The following ABCC4 variants were observed in gnomAD, a reference collection of about 807,000 sequenced individuals.
ABCC4 encodes the protein ATP-binding cassette sub-family C member 4.
Under a neutral mutation model 168.5 loss-of-function variants are expected in ABCC4, and 102 were observed. That is an observed-to-expected ratio of 0.61 (90% CI 0.52 to 0.71). The LOEUF (loss-of-function observed/expected upper bound fraction) is 0.71, where lower values mean the gene tolerates loss of function less well. Ranked by LOEUF, ABCC4 falls within the 30% of genes least tolerant of loss-of-function variation. The probability of loss-of-function intolerance (pLI) is 0.00; values close to 1 mark genes in which losing one functional copy is unlikely to be tolerated. For synonymous variants in ABCC4, 617 were observed against 590.7 expected, an observed-to-expected ratio of 1.04 and a Z score of -0.65; for missense variants, 1,402 against 1,605.8, an observed-to-expected ratio of 0.87 and a Z score of 2.17.
At chr13:95,059,636 T>G (rs2033211358) in intron 26 of ABCC4, among the ~76,000 whole-genome samples, 1 of 101,786 alleles carries the variant, frequency 9.8e-6, no homozygotes, top group South Asian at 4.6e-4. Context: ...GCTTTTATTG[T>G]GCACATTTTT....
chr13:95,191,488 A>C (rs2038249568), intron 9 of ABCC4, among the ~76,000 whole-genome samples: 1 of 152,226 alleles, frequency 6.6e-6, no homozygotes, highest in African/African-American at 2.4e-5. Context: ...TTTTTAAAAA[A>C]GTAATACATT....
chr13:95,078,977 C>A (rs1364377430), intron 21 of ABCC4, among the ~76,000 whole-genome samples: 2 of 152,190 alleles, frequency 1.3e-5, no homozygotes, highest in Non-Finnish European at 2.9e-5. Context: ...TAGGTACCAT[C>A]CCAGTTTTGG....
intron 19 of ABCC4, among the ~76,000 whole-genome samples, chr13:95,160,660 A>G (rs1182951619): frequency 6.6e-6 from 1 of 152,214 alleles, no homozygotes; most frequent in Non-Finnish European, 1.5e-5. Context: ...AATTAACCAC[A>G]TATTATCTTT....
At chr13:95,186,177 TA>T (rs1316305159) in intron 11 of ABCC4, among the ~76,000 whole-genome samples, 1 of 152,146 alleles carries the variant, frequency 6.6e-6, no homozygotes, top group Admixed American at 6.5e-5. Context: ...GAGTGAGATG[TA>T]ATTTTTTTTC....
At chr13:95,268,058 T>C (rs1186395468) in intron 1 of ABCC4, among the ~76,000 whole-genome samples, 1 of 152,178 alleles carries the variant, frequency 6.6e-6, no homozygotes. Flanking sequence ...TGTTACTGTG[T>C]CTGTGTAGAA....
At chr13:95,177,378 C>T (rs549418177) in intron 13 of ABCC4, among the ~76,000 whole-genome samples, 119 of 152,242 alleles carry the variant, frequency 7.8e-4, no homozygotes, top group African/African-American at 1.1e-3. Context: ...TTCCTATCTC[C>T]GGGGCCTGGT....
At chr13:95,251,253 C>G (rs1182661979) in intron 1 of ABCC4, among the ~76,000 whole-genome samples, 2 of 152,174 alleles carry the variant, frequency 1.3e-5, no homozygotes, top group Non-Finnish European at 2.9e-5. Context: ...CCCTCACTTT[C>G]TCTTTCCCTC....
chr13:95,245,877 TC>T (rs1158051518), intron 3 of ABCC4, among the ~76,000 whole-genome samples: 1 of 28,542 alleles, frequency 3.5e-5, no homozygotes, highest in African/African-American at 1.5e-4. Flanking sequence ...ACCAACCCCC[TC>T]CCCCCACCCA....
intron 11 of ABCC4, among the ~76,000 whole-genome samples, chr13:95,179,792 A>C (rs1333333405): frequency 6.6e-6 from 1 of 152,166 alleles, no homozygotes; most frequent in Non-Finnish European, 1.5e-5. Flanking sequence ...AGACAAAGCA[A>C]ATGGCACATT....
chr13:95,283,812 C>G (rs1018671511), intron 1 of ABCC4, among the ~76,000 whole-genome samples: 9 of 146,878 alleles, frequency 6.1e-5, no homozygotes, highest in African/African-American at 2.3e-4. Flanking sequence ...GCAGGAGAAT[C>G]ACTTGAACCC....
chr13:95,074,646 C>T (rs1236229968), intron 22 of ABCC4, among the ~76,000 whole-genome samples: 1 of 152,116 alleles, frequency 6.6e-6, no homozygotes, highest in Non-Finnish European at 1.5e-5. Context: ...CATGTGAAGT[C>T]CACCCACACA....
chr13:95,226,541 A>C (rs2039471657), intron 4 of ABCC4, among the ~76,000 whole-genome samples: 1 of 152,118 alleles, frequency 6.6e-6, no homozygotes, highest in African/African-American at 2.4e-5. Flanking sequence ...TTATCAGGAA[A>C]CTGGCCCTGG....
chr13:95,156,609 G>A (rs2036864371), intron 19 of ABCC4, among the ~76,000 whole-genome samples: 1 of 152,148 alleles, frequency 6.6e-6, no homozygotes, highest in African/African-American at 2.4e-5. Flanking sequence ...GCAGCGAACA[G>A]TACCAGAAAA....
intron 13 of ABCC4, among the ~76,000 whole-genome samples, chr13:95,173,087 G>A (rs2037535787): frequency 6.6e-6 from 1 of 152,192 alleles, no homozygotes; most frequent in Admixed American, 6.5e-5. Context: ...GAGTCGTGTA[G>A]GGACACTCAC....
chr13:95,131,688 C>T (rs1481391514), intron 19 of ABCC4, among the ~76,000 whole-genome samples: 4 of 151,960 alleles, frequency 2.6e-5, no homozygotes, highest in Non-Finnish European at 5.9e-5. Flanking sequence ...TGGCACTCCC[C>T]ACAATTAACA....
At chr13:95,129,732 C>G (rs1286016750) in intron 19 of ABCC4, among the ~76,000 whole-genome samples, 1 of 151,964 alleles carries the variant, frequency 6.6e-6, no homozygotes, top group Non-Finnish European at 1.5e-5. Flanking sequence ...TATAATAGAG[C>G]AAAGCTATAT....
At chr13:95,221,353 C>G (rs2039305401) in intron 4 of ABCC4, among the ~76,000 whole-genome samples, 1 of 152,160 alleles carries the variant, frequency 6.6e-6, no homozygotes, top group Admixed American at 6.5e-5. Flanking sequence ...CTCAGCCTCC[C>G]AAGTAGCTGA....
At chr13:95,183,815 G>A (rs997547546) in intron 11 of ABCC4, among the ~76,000 whole-genome samples, 1 of 152,200 alleles carries the variant, frequency 6.6e-6, no homozygotes, top group African/African-American at 2.4e-5. Flanking sequence ...TCAGGAGGCT[G>A]AGGCAGGAGA....
intron 8 of ABCC4, 59 bp from the exon 9 acceptor site, chr13:95,194,996 A>G: frequency 1.4e-6 from 2 of 1,394,334 alleles, no homozygotes; most frequent in Non-Finnish European, 2.0e-6. Context: ...GCACAAACAA[A>G]AGTCACTGCT....
Sources: allele counts gnomAD v4.1 joint callset (sites outside exome capture counted in the v4.1 genomes callset), GRCh38; gene constraint gnomAD v4.1.1; transcripts MANE v1.5; gene names NCBI Gene and HGNC (gene_info 2026-07-23, HGNC 2026-07-21).